The following BIRC6 variants were observed in gnomAD, a reference collection of about 807,000 sequenced individuals.
The protein encoded by BIRC6 is dual E2 ubiquitin-conjugating enzyme/E3 ubiquitin-protein ligase BIRC6.
A neutral mutation model predicts 503.3 loss-of-function variants in BIRC6; 98 were observed. The observed-to-expected ratio is 0.19, with a 90% CI of 0.17 to 0.23. BIRC6 has a LOEUF of 0.23. Among genes scored for constraint, BIRC6 ranks in the 10% least tolerant of loss-of-function variants. The pLI is 1.00. For missense variants in BIRC6, 5,360 were observed against 5,806.0 expected, an observed-to-expected ratio of 0.92 and a Z score of 2.50; for synonymous variants, 2,240 against 2,078.7, an observed-to-expected ratio of 1.08 and a Z score of -2.11.
rs564108785 is a variant in BIRC6, at chr2:32,553,143, G to A, written c.13144+3662G>A. On this transcript the variant is annotated intron_variant, in intron 65 of 73. Coordinates refer to ENST00000421745, the MANE Select transcript of BIRC6 (RefSeq NM_016252.4). Reference sequence around the variant, plus strand: ...ACCCAGGAGGGGGAGGTTGCGGTGAGCCGAGATGGCACCACTGCACTCCAG... The same window carrying A: ...ACCCAGGAGGGGGAGGTTGCGGTGAACCGAGATGGCACCACTGCACTCCAG... Among the ~76,000 whole-genome samples, 397 of 132,632 alleles carry A rather than the reference G, an allele frequency of 3.0e-3. 1 individual carries two copies. Among genetic ancestry groups the A allele is most frequent in the Non-Finnish European group, 4.5e-3 (292 of 64,564 alleles). The allele number at this position is 132,632 out of a possible 152,430, so 87.0% of individuals were successfully genotyped here.
At chr2:32,427,122 C>T (rs1239140001) in intron 10 of BIRC6, among the ~76,000 whole-genome samples, 1 of 151,992 alleles carries the variant, frequency 6.6e-6, no homozygotes, top group Admixed American at 6.6e-5. Flanking sequence ...ATTTGAGGGT[C>T]ATTGAACTTG....
At chr2:32,452,201 C>T (rs757330863) in intron 22 of BIRC6, among the ~76,000 whole-genome samples, 3 of 152,118 alleles carry the variant, frequency 2.0e-5, no homozygotes, top group Non-Finnish European at 4.4e-5. Flanking sequence ...TTTTATAACA[C>T]GTCGAATACG....
chr2:32,384,484 C>A (rs554799484), intron 3 of BIRC6, among the ~76,000 whole-genome samples: 1 of 151,484 alleles, frequency 6.6e-6, no homozygotes, highest in Non-Finnish European at 1.5e-5. Flanking sequence ...TATAATATTA[C>A]GGCAGAAAAC....
chr2:32,414,530 G>A (rs1335803800), intron 9 of BIRC6, among the ~76,000 whole-genome samples: 2 of 152,130 alleles, frequency 1.3e-5, no homozygotes, highest in African/African-American at 4.8e-5. Context: ...AGCTGGGTGT[G>A]GTGGCGTGAG....
At chr2:32,368,654 G>A (rs1056461099) in intron 1 of BIRC6, among the ~76,000 whole-genome samples, 3 of 151,856 alleles carry the variant, frequency 2.0e-5, no homozygotes, top group Admixed American at 6.6e-5. Flanking sequence ...AGAGCTTCCC[G>A]CCCCTGTCCC....
chr2:32,402,240 T>A (rs1370456607), intron 8 of BIRC6, among the ~76,000 whole-genome samples: 1 of 152,236 alleles, frequency 6.6e-6, no homozygotes, highest in Non-Finnish European at 1.5e-5. Context: ...AGTATCACCC[T>A]CTTTCACCCA....
chr2:32,363,644 G>A (rs1012262692), intron 1 of BIRC6, among the ~76,000 whole-genome samples: 4 of 152,060 alleles, frequency 2.6e-5, no homozygotes, highest in South Asian at 2.1e-4. Flanking sequence ...GAGAGCATGC[G>A]CTTTATGTTA....
intron 10 of BIRC6, among the ~76,000 whole-genome samples, chr2:32,420,083 T>G (rs569079691): frequency 6.6e-6 from 1 of 152,234 alleles, no homozygotes; most frequent in Non-Finnish European, 1.5e-5. Flanking sequence ...TATATATTGT[T>G]GGATACAGTT....
At chr2:32,428,877 C>T (rs1242685480) in intron 10 of BIRC6, among the ~76,000 whole-genome samples, 1 of 152,006 alleles carries the variant, frequency 6.6e-6, no homozygotes, top group Non-Finnish European at 1.5e-5. Context: ...TTAATTAAAG[C>T]ACTTAAAATA....
intron 2 of BIRC6, among the ~76,000 whole-genome samples, chr2:32,378,096 A>C (rs1158376845): frequency 6.6e-6 from 1 of 152,096 alleles, no homozygotes; most frequent in Non-Finnish European, 1.5e-5. Context: ...ATCATTGCCA[A>C]CCTCAACACT....
At position 32,500,017 on chromosome 2, in the gene BIRC6, T is replaced by C. The variant is rs1404559106; in HGVS notation, c.8939T>C (p.Val2980Ala). 1 of 1,614,030 alleles carries C rather than the reference T, an allele frequency of 6.2e-7. No individual in the cohort carries two copies. The highest frequency in any genetic ancestry group is 1.1e-5 in the South Asian group (1 of 91,080). Reference protein sequence around the residue: ...STSVQGSPAYVADLVLANQQI... With the variant: ...STSVQGSPAYAADLVLANQQI... ...AGTGTTCAAGGATCGCCTGCATATG[T>C]TGCTGACTTAGTCTTAGCCAACCAA... Residue 2980 changes from valine (V) to alanine (A), a missense_variant, in exon 46 of 74, where the codon GTT (valine) becomes GCT (alanine). This residue lies in a region of BIRC6 where 2,299 missense variants were observed against 2,267.2 expected (regional missense o/e 1.01). Coordinates refer to ENST00000421745, the MANE Select transcript of BIRC6 (RefSeq NM_016252.4).
rs2037862356 is a variant in BIRC6, at chr2:32,382,755, G to A, written c.645+2465G>A. Among the ~76,000 whole-genome samples, 3 of 152,182 alleles carry A rather than the reference G, an allele frequency of 2.0e-5. No individual in the cohort carries two copies. The South Asian group carries it at 6.2e-4, about 32-fold the overall frequency. On this transcript the variant is annotated intron_variant, in intron 3 of 73. Transcript: ENST00000421745. ...TTTTTATTTTTGGAGATGGGGTCTT[G>A]TGCTGTTGCCCAGGCTGGAGTGCAG... is the stretch of plus-strand genomic sequence containing the variant.
chr2:32,450,152 A>G (rs1368136864), intron 22 of BIRC6, among the ~76,000 whole-genome samples: 1 of 152,236 alleles, frequency 6.6e-6, no homozygotes, highest in African/African-American at 2.4e-5. Flanking sequence ...TTTGCAAATG[A>G]GTAAAGAAGA....
intron 65 of BIRC6, among the ~76,000 whole-genome samples, chr2:32,574,160 CT>C (rs1055060322): frequency 0.39 from 49,003 of 124,492 alleles, 7,986 homozygotes; most frequent in African/African-American, 0.46. Flanking sequence ...ATAACTTTTT[CT>C]TTTTTTTTTT....
At position 32,442,238 on chromosome 2, in the gene BIRC6, A is replaced by C. The variant is rs2045511153; in HGVS notation, c.4106+12A>C. 3.1e-6 allele frequency: 5 copies of C among 1,601,730 alleles called. No homozygotes were observed. Among genetic ancestry groups the C allele is most frequent in the Non-Finnish European group, 4.3e-6 (5 of 1,174,140 alleles). On this transcript the variant is annotated intron_variant, in intron 18 of 73. Coordinates refer to ENST00000421745, the MANE Select transcript of BIRC6 (RefSeq NM_016252.4). The stretch of plus-strand genomic sequence containing the variant: ...AATGGACCCGGAAGGTTAATAATTA[A>C]AATTTTGCTTACCACTGTTGATTGC...
At chr2:32,444,930 G>C (rs921336133) in intron 20 of BIRC6, among the ~76,000 whole-genome samples, 6 of 152,254 alleles carry the variant, frequency 3.9e-5, no homozygotes, top group African/African-American at 1.4e-4. Context: ...AGCTTCTTAA[G>C]GATAGTTTTA....
Position 32,445,679 on chromosome 2 carries a change from A to G in BIRC6, c.4484+11A>G, listed in dbSNP as rs752400410. ...TTTACTTCAGACAAGGTATTTTAGTATATCTAATGACTAATAATAGGCGTC... is the reference window on the plus strand; with the variant it reads ...TTTACTTCAGACAAGGTATTTTAGTGTATCTAATGACTAATAATAGGCGTC... On this transcript the variant is annotated intron_variant, in intron 21 of 73. Coordinates refer to ENST00000421745, the MANE Select transcript of BIRC6 (RefSeq NM_016252.4). 4 of 1,502,978 alleles carry G rather than the reference A, an allele frequency of 2.7e-6. No individual in the cohort carries two copies. Among genetic ancestry groups the G allele is most frequent in the Non-Finnish European group, 2.7e-6 (3 of 1,121,486 alleles). 93.1% of individuals were successfully genotyped at this position (1,502,978 alleles called of 1,614,324 possible). A position where few individuals can be genotyped will look rare whatever the true frequency, so the allele number is the denominator to read the frequency against.
chr2:32,540,293 C>T (rs1395111937), intron 61 of BIRC6, among the ~76,000 whole-genome samples: 1 of 151,992 alleles, frequency 6.6e-6, no homozygotes, highest in South Asian at 2.1e-4. Flanking sequence ...TCTCAGTTTG[C>T]TGTGACATAT....
At chr2:32,411,539 G>A (rs1170438967) in intron 9 of BIRC6, among the ~76,000 whole-genome samples, 3 of 151,038 alleles carry the variant, frequency 2.0e-5, no homozygotes, top group Non-Finnish European at 2.9e-5. Context: ...GTGCAGTGGC[G>A]TGATCTCAGC....
Sources: allele counts gnomAD v4.1 joint callset (sites outside exome capture counted in the v4.1 genomes callset), GRCh38; gene constraint gnomAD v4.1.1; regional missense constraint gnomAD v4.1.1; transcripts MANE v1.5; gene names NCBI Gene and HGNC (gene_info 2026-07-23, HGNC 2026-07-21).